Variants in FBXL17 observed in about 807,000 individuals in gnomAD.
FBXL17 encodes the protein F-box and leucine rich repeat protein 17.
Under a neutral mutation model 66.2 loss-of-function variants are expected in FBXL17, and 22 were observed. The observed-to-expected ratio is 0.33, with a 90% CI of 0.24 to 0.47. The LOEUF is 0.47. Among genes scored for constraint, FBXL17 ranks in the 20% least tolerant of loss-of-function variants. The pLI is 1.00. For synonymous variants in FBXL17, 474 were observed against 400.5 expected, an observed-to-expected ratio of 1.18 and a Z score of -2.19; for missense variants, 878 against 948.2, an observed-to-expected ratio of 0.93 and a Z score of 0.97.
rs147320641 is a variant in FBXL17, at chr5:107,911,544, G to T, written c.1823-30365C>A. On this transcript the variant is annotated intron_variant, in intron 7 of 8. Coordinates refer to ENST00000542267, the MANE Select transcript of FBXL17 (RefSeq NM_001163315.3). Reference sequence around the variant, plus strand: ...TCACACACCTTGCAGCAATCTATAAGGTAGATACTATTATTATTCTCATTT... The same window carrying T: ...TCACACACCTTGCAGCAATCTATAATGTAGATACTATTATTATTCTCATTT... Among the ~76,000 whole-genome samples, 347 of 152,094 alleles carry T rather than the reference G, an allele frequency of 2.3e-3. 1 individual carries two copies. The highest frequency in any genetic ancestry group is 7.7e-3 in the African/African-American group (318 of 41,514).
chr5:108,192,644 T>A (rs1046233665), intron 5 of FBXL17, among the ~76,000 whole-genome samples: 1 of 152,038 alleles, frequency 6.6e-6, no homozygotes, highest in African/African-American at 2.4e-5. Flanking sequence ...ATACAAAAAT[T>A]AGCCAGGCAT....
chr5:108,176,760 A>G, intron 6 of FBXL17, among the ~76,000 whole-genome samples: 1 of 152,254 alleles, frequency 6.6e-6, no homozygotes, highest in Admixed American at 6.5e-5. Context: ...ATAAGTACTA[A>G]AAGAATCAAT....
intron 6 of FBXL17, among the ~76,000 whole-genome samples, chr5:108,135,852 A>G (rs758104514): frequency 2.0e-5 from 3 of 152,078 alleles, no homozygotes; most frequent in Non-Finnish European, 4.4e-5. Context: ...CTTTAGGTGA[A>G]TTATTTTGGG....
chr5:108,035,548 G>A (rs1378512453), intron 6 of FBXL17, among the ~76,000 whole-genome samples: 1 of 152,026 alleles, frequency 6.6e-6, no homozygotes, highest in African/African-American at 2.4e-5. Flanking sequence ...TGTATTTTTA[G>A]TAGAGACGGA....
intron 6 of FBXL17, among the ~76,000 whole-genome samples, chr5:108,097,784 A>AG (rs947057412): frequency 3.4e-5 from 3 of 88,234 alleles, no homozygotes; most frequent in African/African-American, 1.2e-4. Flanking sequence ...GCGAGACTCC[A>AG]GAAAAAAAAA....
chr5:108,348,520 T>C lies in FBXL17; in HGVS notation c.1385A>G (p.Lys462Arg). ...ATGAATATCTTTGAGTTCTCTGCATTTTGAGCCCAGCTGTAAACAAACAGA... is the reference window on the plus strand; with the variant it reads ...ATGAATATCTTTGAGTTCTCTGCATCTTGAGCCCAGCTGTAAACAAACAGA... Reference protein sequence around the residue: ...TDEGLKQLGSKCRELKDIHFG... With the variant: ...TDEGLKQLGSRCRELKDIHFG... Residue 462 changes from lysine (K) to arginine (R), a missense_variant, in exon 4 of 9, where the codon AAA (lysine) becomes AGA (arginine). Physicochemically the swap from Lys to Arg is conservative, Grantham distance 26. Transcript: ENST00000542267. The C allele has an allele frequency of 6.2e-7, 1 of 1,612,870 alleles. No individual in the cohort carries two copies. The highest frequency in any genetic ancestry group is 8.5e-7 in the Non-Finnish European group (1 of 1,179,162).
chr5:108,277,693 C>T (rs1309626766), intron 4 of FBXL17, among the ~76,000 whole-genome samples: 7 of 152,134 alleles, frequency 4.6e-5, no homozygotes, highest in Non-Finnish European at 8.8e-5. Context: ...GGGTTTAAGT[C>T]ATTAACTTCC....
At chr5:107,943,116 C>T (rs1314921891) in intron 7 of FBXL17, among the ~76,000 whole-genome samples, 1 of 152,108 alleles carries the variant, frequency 6.6e-6, no homozygotes, top group African/African-American at 2.4e-5. Context: ...TGAGCCCAGG[C>T]TCTGTCATTG....
At chr5:108,340,461 C>T (rs780136822) in intron 4 of FBXL17, among the ~76,000 whole-genome samples, 15 of 150,960 alleles carry the variant, frequency 9.9e-5, no homozygotes, top group Non-Finnish European at 1.3e-4. Flanking sequence ...AAAATAAAAC[C>T]GATTTTATTA....
chr5:108,105,986 G>A (rs575169115), intron 6 of FBXL17, among the ~76,000 whole-genome samples: 8 of 152,182 alleles, frequency 5.3e-5, no homozygotes, highest in East Asian at 3.9e-4. Context: ...GATCATCGCC[G>A]GAAAGCAAGG....
At chr5:108,159,015 C>A (rs1752105227) in intron 6 of FBXL17, among the ~76,000 whole-genome samples, 1 of 151,918 alleles carries the variant, frequency 6.6e-6, no homozygotes, top group South Asian at 2.1e-4. Context: ...GAAAAGGGAA[C>A]CAGCATAATA....
chr5:108,208,696 C>T (rs1158923922), intron 5 of FBXL17, among the ~76,000 whole-genome samples: 2 of 152,110 alleles, frequency 1.3e-5, no homozygotes, highest in African/African-American at 2.4e-5. Flanking sequence ...CAGTACCATG[C>T]TGTTTTGGTT....
intron 5 of FBXL17, among the ~76,000 whole-genome samples, chr5:108,216,904 A>G (rs1754624918): frequency 6.6e-6 from 1 of 152,194 alleles, no homozygotes; most frequent in Non-Finnish European, 1.5e-5. Flanking sequence ...CAGATAAGGG[A>G]ACAAGGCCAG....
At chr5:108,173,338 T>C (rs1323848550) in intron 6 of FBXL17, among the ~76,000 whole-genome samples, 2 of 152,126 alleles carry the variant, frequency 1.3e-5, no homozygotes, top group Non-Finnish European at 2.9e-5. Flanking sequence ...GCATGGCACA[T>C]GTATACATAT....
At chr5:107,991,039 G>A (rs1190455877) in intron 7 of FBXL17, among the ~76,000 whole-genome samples, 1 of 152,168 alleles carries the variant, frequency 6.6e-6, no homozygotes, top group East Asian at 1.9e-4. Context: ...TAAACGCAGA[G>A]GCTCTGAGCT....
chr5:108,041,205 G>T (rs926949199), intron 6 of FBXL17, among the ~76,000 whole-genome samples: 1 of 151,976 alleles, frequency 6.6e-6, no homozygotes, highest in South Asian at 2.1e-4. Flanking sequence ...ATGGTTAAGG[G>T]CTTTTTTCTT....
At chr5:107,911,318 C>T (rs1261392740) in intron 7 of FBXL17, among the ~76,000 whole-genome samples, 5 of 151,960 alleles carry the variant, frequency 3.3e-5, no homozygotes, top group South Asian at 2.1e-4. Context: ...ATTCATGTTT[C>T]GTGTATTAAA....
At chr5:108,315,436 T>C (rs574737298) in intron 4 of FBXL17, among the ~76,000 whole-genome samples, 2 of 151,564 alleles carry the variant, frequency 1.3e-5, no homozygotes, top group East Asian at 3.9e-4. Flanking sequence ...CAATACATTA[T>C]TTATTAAAGA....
intron 6 of FBXL17, among the ~76,000 whole-genome samples, chr5:108,025,633 T>C (rs1218369411): frequency 6.6e-6 from 1 of 151,818 alleles, no homozygotes; most frequent in African/African-American, 2.4e-5. Flanking sequence ...ATCCAACCTA[T>C]GTTACATAGA....
Sources: allele counts gnomAD v4.1 joint callset (sites outside exome capture counted in the v4.1 genomes callset), GRCh38; gene constraint gnomAD v4.1.1; transcripts MANE v1.5; gene names NCBI Gene and HGNC (gene_info 2026-07-23, HGNC 2026-07-21).